The following TAFA1 variants were observed in gnomAD, a reference collection of about 807,000 sequenced individuals.
TAFA1 encodes the protein TAFA chemokine like family member 1.
In TAFA1, 4 loss-of-function variants were observed where a neutral mutation model predicts 18.5. That is an observed-to-expected ratio of 0.22 (90% CI 0.11 to 0.49). TAFA1 has a LOEUF of 0.49. TAFA1 is among the 20% of genes least tolerant of loss of function. The pLI is 0.98. For synonymous variants in TAFA1, 56 were observed against 55.2 expected (o/e 1.01, Z -0.06); for missense variants, 147 against 169.0 (o/e 0.87, Z 0.72).
At chr3:68,504,640 T>C (rs557166488) in intron 3 of TAFA1, among the ~76,000 whole-genome samples, 23 of 152,226 alleles carry the variant, frequency 1.5e-4, no homozygotes, top group African/African-American at 5.5e-4. Flanking sequence ...AAAGGAATCC[T>C]TTACCAAATC....
chr3:68,001,567 TTTG>T (rs1286954816), upstream of TAFA1, among the ~76,000 whole-genome samples: 31 of 151,368 alleles, frequency 2.0e-4, no homozygotes, highest in South Asian at 6.2e-4. Flanking sequence ...TGGGTTTTAT[TTTG>T]TTGTTGTTGT....
intron 2 of TAFA1, among the ~76,000 whole-genome samples, chr3:68,065,486 T>G (rs565443123): frequency 2.8e-4 from 42 of 152,192 alleles, no homozygotes; most frequent in African/African-American, 9.2e-4. Context: ...CCCTTTATGT[T>G]TAAAGAAACC....
At chr3:68,426,755 G>C (rs1407542228) in intron 3 of TAFA1, among the ~76,000 whole-genome samples, 1 of 151,836 alleles carries the variant, frequency 6.6e-6, no homozygotes, top group Non-Finnish European at 1.5e-5. Context: ...GAGACTGGCT[G>C]TTTCGGGTAC....
intron 4 of TAFA1, among the ~76,000 whole-genome samples, chr3:68,541,816 T>C (rs1268251692): frequency 6.6e-6 from 1 of 152,186 alleles, no homozygotes; most frequent in Non-Finnish European, 1.5e-5. Flanking sequence ...TTCCAAACCT[T>C]CATCTTTTGT....
the TAFA1 span, among the ~76,000 whole-genome samples, chr3:67,995,341 A>G: frequency 6.6e-6 from 1 of 151,932 alleles, no homozygotes; most frequent in African/African-American, 2.4e-5. Context: ...CTTGAGTCCC[A>G]TCTCCAGAGT....
chr3:68,126,927 T>C (rs2065471314), intron 2 of TAFA1, among the ~76,000 whole-genome samples: 1 of 152,222 alleles, frequency 6.6e-6, no homozygotes, highest in Non-Finnish European at 1.5e-5. Context: ...AATTTCATCT[T>C]TTCTAGAGGA....
At chr3:68,353,306 G>A (rs1242408187) in intron 2 of TAFA1, among the ~76,000 whole-genome samples, 1 of 152,084 alleles carries the variant, frequency 6.6e-6, no homozygotes, top group Non-Finnish European at 1.5e-5. Flanking sequence ...GTTCCTAGAA[G>A]TCACATTGTG....
chr3:68,318,375 A>G (rs2068639792), intron 2 of TAFA1, among the ~76,000 whole-genome samples: 1 of 152,172 alleles, frequency 6.6e-6, no homozygotes, highest in Non-Finnish European at 1.5e-5. Flanking sequence ...CAGAAATTGG[A>G]AGGCCCTAAA....
chr3:68,418,509 G>A (rs539913037), intron 3 of TAFA1, among the ~76,000 whole-genome samples: 66 of 149,482 alleles, frequency 4.4e-4, no homozygotes, highest in South Asian at 8.4e-4. Context: ...TTTTGTGGTG[G>A]AATGTCATCA....
intron 3 of TAFA1, among the ~76,000 whole-genome samples, chr3:68,521,265 C>T (rs1160260021): frequency 6.6e-6 from 1 of 152,154 alleles, no homozygotes; most frequent in East Asian, 1.9e-4. Context: ...CTCTCATAGA[C>T]CAGAATCGTA....
At chr3:68,033,713 T>C (rs532914363) in intron 2 of TAFA1, among the ~76,000 whole-genome samples, 12 of 152,342 alleles carry the variant, frequency 7.9e-5, no homozygotes, top group African/African-American at 2.9e-4. Context: ...GCAGACAGTA[T>C]TTCTTCTTTT....
At chr3:68,303,446 T>G (rs7628385) in intron 2 of TAFA1, among the ~76,000 whole-genome samples, 12,876 of 151,972 alleles carry the variant, frequency 0.085, 1,008 homozygotes, top group African/African-American at 0.21. Context: ...GAAAATTCTT[T>G]TTGTTTTTTT....
intron 3 of TAFA1, among the ~76,000 whole-genome samples, chr3:68,509,718 T>C (rs1035194055): frequency 4.6e-5 from 7 of 152,084 alleles, no homozygotes; most frequent in African/African-American, 1.7e-4. Context: ...ATGTATTAGT[T>C]TGATCCTTTT....
intron 2 of TAFA1, among the ~76,000 whole-genome samples, chr3:68,331,346 G>A (rs1180619124): frequency 2.6e-5 from 4 of 152,086 alleles, no homozygotes; most frequent in Non-Finnish European, 4.4e-5. Context: ...TGAAGAAAAT[G>A]TTCTCAAACT....
intron 3 of TAFA1, among the ~76,000 whole-genome samples, chr3:68,482,333 A>G (rs1262647020): frequency 4.6e-5 from 7 of 152,224 alleles, no homozygotes; most frequent in Non-Finnish European, 4.4e-5. Context: ...CTCCTCCTGT[A>G]TATCAGGCAC....
At position 68,171,491 on chromosome 3, in the gene TAFA1, G is replaced by C. The variant is rs1378709859; in HGVS notation, c.118+164747G>C. ...TTCACAGCAATAGAAATGTAATAAG[G>C]GGTGAAGGAGGATCTGATTTTCAGA... is the stretch of plus-strand genomic sequence containing the variant. On this transcript the variant is annotated intron_variant, in intron 2 of 4. Coordinates refer to ENST00000478136, the MANE Select transcript of TAFA1 (RefSeq NM_213609.4). 2.0e-5 allele frequency among the ~76,000 whole-genome samples: 3 copies of C among 152,216 alleles called. No homozygotes were observed. The East Asian group carries it at 5.8e-4, about 29-fold the overall frequency.
intron 3 of TAFA1, among the ~76,000 whole-genome samples, chr3:68,458,606 T>C (rs750776393): frequency 2.6e-4 from 40 of 152,156 alleles, no homozygotes; most frequent in Non-Finnish European, 5.4e-4. Context: ...TTATTAGTCA[T>C]CCCACTTTTC....
At chr3:68,379,599 C>T (rs957727602) in intron 2 of TAFA1, among the ~76,000 whole-genome samples, 3 of 151,970 alleles carry the variant, frequency 2.0e-5, no homozygotes, top group Admixed American at 6.6e-5. Context: ...ATTGCCAAGT[C>T]GTCTTCCAGG....
intron 2 of TAFA1, among the ~76,000 whole-genome samples, chr3:68,268,847 T>A (rs1163161147): frequency 6.6e-6 from 1 of 152,160 alleles, no homozygotes; most frequent in Non-Finnish European, 1.5e-5. Flanking sequence ...ATGTAAACTT[T>A]CAGAGTGGCT....
Sources: gnomAD v4.1 joint callset for allele counts (sites outside exome capture counted in the v4.1 genomes callset) on GRCh38, gnomAD v4.1.1 for gene constraint, MANE v1.5 for transcripts, NCBI Gene and HGNC (gene_info 2026-07-23, HGNC 2026-07-21) for gene names.